RORB: variants seen among roughly 807,000 people sequenced by gnomAD.
RORB encodes the protein nuclear receptor ROR-beta.
In RORB, 6 loss-of-function variants were observed where a neutral mutation model predicts 59.1. The observed-to-expected ratio is 0.10, with a 90% confidence interval of 0.06 to 0.20. RORB has a LOEUF of 0.20. RORB is among the 10% of genes least tolerant of loss of function. The pLI is 1.00. For missense variants in RORB, 320 were observed against 560.5 expected (o/e 0.57, Z 4.33); for synonymous variants, 215 against 204.5 (o/e 1.05, Z -0.44).
intron 4 of RORB, among the ~76,000 whole-genome samples, chr9:74,659,698 T>C (rs1474046952): frequency 1.3e-5 from 2 of 151,980 alleles, no homozygotes; most frequent in Non-Finnish European, 2.9e-5. Flanking sequence ...GGTTTCACCA[T>C]GCTAGCCAGG....
intron 4 of RORB, among the ~76,000 whole-genome samples, chr9:74,659,751 C>G (rs1824150123): frequency 6.6e-6 from 1 of 151,962 alleles, no homozygotes; most frequent in South Asian, 2.1e-4. Flanking sequence ...AAGGAGAGCT[C>G]TTATGTCTGG....
intron 9 of RORB, among the ~76,000 whole-genome samples, chr9:74,678,744 T>A (rs1223977296): frequency 1.3e-5 from 2 of 152,096 alleles, no homozygotes; most frequent in African/African-American, 4.8e-5. Flanking sequence ...CTATGATTAA[T>A]AATGGGATGG....
chr9:74,594,960 C>A (rs544461222), intron 1 of RORB, among the ~76,000 whole-genome samples: 1 of 152,132 alleles, frequency 6.6e-6, no homozygotes, highest in African/African-American at 2.4e-5. Flanking sequence ...TTCTACACAT[C>A]CAGTCCCTGA....
intron 1 of RORB, among the ~76,000 whole-genome samples, chr9:74,533,821 T>C (rs1306787177): frequency 1.3e-5 from 2 of 152,068 alleles, no homozygotes; most frequent in Admixed American, 1.3e-4. Context: ...CTTTTAAGAA[T>C]ATTGAACTTG....
intron 1 of RORB, among the ~76,000 whole-genome samples, chr9:74,597,864 A>T (rs1172900440): frequency 1.3e-5 from 2 of 152,120 alleles, no homozygotes; most frequent in Non-Finnish European, 2.9e-5. Flanking sequence ...AGGCTGAGGC[A>T]GGAGAATCGC....
chr9:74,642,840 G>C (rs749937145), intron 4 of RORB, 25 bp downstream of exon 4: 7 of 1,532,286 alleles, frequency 4.6e-6, no homozygotes, highest in Non-Finnish European at 8.8e-7. Context: ...CCTCCCAGTG[G>C]CTTTTTTTGA....
chr9:74,597,946 G>A (rs926159549), intron 1 of RORB, among the ~76,000 whole-genome samples: 7 of 150,382 alleles, frequency 4.7e-5, no homozygotes, highest in African/African-American at 1.7e-4. Flanking sequence ...TGACAACAGT[G>A]AAACTCTGTC....
At position 74,689,640 on chromosome 9, in the gene RORB, G is replaced by C. The variant is rs1824708663; in HGVS notation, c.*4022G>C. On this transcript the variant is annotated 3_prime_UTR_variant, in exon 10 of 10. Transcript: ENST00000376896. The stretch of plus-strand genomic sequence containing the variant: ...CTGAATATTAACAAGAGGTGCCAGG[G>C]AGGTGTCAGTACATTTCCTATCATA... The C allele has an allele frequency of 2.0e-5, 3 of 152,216 alleles. No individual in the cohort carries two copies. In the South Asian group the frequency reaches 6.2e-4, roughly 32 times the overall value. The allele number at this position is 152,216 out of a possible 1,614,324, so 9.4% of individuals were successfully genotyped here.
At position 74,571,879 on chromosome 9, in the gene RORB, A is replaced by G. The variant is rs59760835; in HGVS notation, c.8-58403A>G. ...TTTCTGAGCCATCTTCCTCACACAA[A>G]GAAGCGGTGATAATTCCTTCCGTGG... On this transcript the variant is annotated intron_variant, in intron 1 of 9. Transcript: ENST00000376896. 9.4e-3 allele frequency among the ~76,000 whole-genome samples: 1,432 copies of G among 152,250 alleles called. 24 individuals carry two copies. Among genetic ancestry groups the G allele is most frequent in the African/African-American group, 0.032 (1,345 of 41,546 alleles).
chr9:74,567,574 G>A (rs182482603), intron 1 of RORB, among the ~76,000 whole-genome samples: 6 of 152,234 alleles, frequency 3.9e-5, no homozygotes, highest in African/African-American at 9.6e-5. Flanking sequence ...AATGTAGGGG[G>A]AAATGAGGGT....
chr9:74,536,631 CG>C (rs1826326703), intron 1 of RORB, among the ~76,000 whole-genome samples: 1 of 151,892 alleles, frequency 6.6e-6, no homozygotes, highest in South Asian at 2.1e-4. Context: ...CTGACTGTCC[CG>C]TAGCAATAAG....
At position 74,690,196 on chromosome 9, in the gene RORB, C is replaced by T. The variant is rs1244381199; in HGVS notation, c.*4578C>T. On this transcript the variant is annotated 3_prime_UTR_variant, in exon 10 of 10. Coordinates refer to ENST00000376896, the MANE Select transcript of RORB (RefSeq NM_006914.4). ...TTCCAACTGTCAGTATAAGCAGCAA[C>T]TAGAGTAAAGGCCTGATGTGGGAAA... 6.6e-6 allele frequency: 1 copy of T among 152,068 alleles called. No homozygotes were observed. Among genetic ancestry groups the T allele is most frequent in the Non-Finnish European group, 1.5e-5 (1 of 68,034 alleles). The allele number at this position is 152,068 out of a possible 1,614,324, so 9.4% of individuals were successfully genotyped here.
intron 9 of RORB, among the ~76,000 whole-genome samples, chr9:74,680,240 C>A (rs372520004): frequency 1.3e-5 from 2 of 152,122 alleles, no homozygotes; most frequent in Non-Finnish European, 2.9e-5. Context: ...AAAAATGCAG[C>A]CATCAATCAG....
At chr9:74,631,652 GGAA>G (rs1823620950) in intron 2 of RORB, among the ~76,000 whole-genome samples, 1 of 152,056 alleles carries the variant, frequency 6.6e-6, no homozygotes. Flanking sequence ...AGTGGGAGAG[GGAA>G]GAAGAAGGAG....
intron 1 of RORB, among the ~76,000 whole-genome samples, chr9:74,598,985 A>G (rs1213066516): frequency 6.6e-6 from 1 of 152,144 alleles, no homozygotes; most frequent in Non-Finnish European, 1.5e-5. Flanking sequence ...CTATTCCCTC[A>G]ATACCTTGTG....
chr9:74,575,245 G>A (rs1370914248), intron 1 of RORB, among the ~76,000 whole-genome samples: 1 of 152,046 alleles, frequency 6.6e-6, no homozygotes. Flanking sequence ...CAAGGAAACT[G>A]AGTCTCAACC....
At chr9:74,519,873 C>T (rs1378174682) in intron 1 of RORB, among the ~76,000 whole-genome samples, 3 of 151,930 alleles carry the variant, frequency 2.0e-5, no homozygotes, top group Admixed American at 6.6e-5. Flanking sequence ...GCCCACTAGT[C>T]CCGTTGATCA....
chr9:74,572,019 C>T (rs555102804), intron 1 of RORB, among the ~76,000 whole-genome samples: 5 of 152,116 alleles, frequency 3.3e-5, no homozygotes, highest in African/African-American at 1.2e-4. Context: ...CTTTCTTTCT[C>T]TACCTGGGGA....
chr9:74,657,386 T>C (rs770843361), intron 4 of RORB, among the ~76,000 whole-genome samples: 6 of 152,062 alleles, frequency 3.9e-5, no homozygotes, highest in Non-Finnish European at 5.9e-5. Flanking sequence ...TTTCGAAACC[T>C]CACTTCTATC....
Sources: allele counts gnomAD v4.1 joint callset (sites outside exome capture counted in the v4.1 genomes callset), GRCh38; gene constraint gnomAD v4.1.1; transcripts MANE v1.5; gene names NCBI Gene and HGNC (gene_info 2026-07-23, HGNC 2026-07-21).